Variants in SMG1 observed in about 807,000 individuals in gnomAD.
The protein encoded by SMG1 is serine/threonine-protein kinase SMG1.
SMG1 carries 22 observed loss-of-function variants against 419.9 expected under a neutral mutation model. The observed-to-expected ratio is 0.05, with a 90% CI of 0.04 to 0.07. SMG1 has a LOEUF of 0.07. SMG1 is among the 10% of genes least tolerant of loss of function. The pLI, the probability that SMG1 is intolerant of heterozygous loss-of-function variation, is 1.00. For missense variants in SMG1, 3,185 were observed against 4,342.0 expected (o/e 0.73, Z 7.49); for synonymous variants, 1,538 against 1,553.5 (o/e 0.99, Z 0.23).
chr16:18,902,150 C>G (rs2141889952), intron 1 of SMG1, among the ~76,000 whole-genome samples: 1 of 152,218 alleles, frequency 6.6e-6, no homozygotes, highest in Non-Finnish European at 1.5e-5. Context: ...ACATAAAAAA[C>G]AGAGTGAGCT....
chr16:18,849,012 GTGAGCTGAGATGGTGCCAC>G (rs1216037206), intron 36 of SMG1, among the ~76,000 whole-genome samples, 186 bp downstream of exon 36: 2 of 139,846 alleles, frequency 1.4e-5, no homozygotes, highest in Non-Finnish European at 3.0e-5. Flanking sequence ...AGAGACTGCA[GTGAGCTGAGATGGTGCCAC>G]TGCACTCCAG....
chr16:18,882,299 C>A lies in SMG1; in HGVS notation c.1159G>T (p.Asp387Tyr). Reference sequence around the variant, plus strand: ...AATGACACTGATGGAGGAGGGACATCTTCATCCACTGATTCCCCAGAGGCC... The same window carrying A: ...AATGACACTGATGGAGGAGGGACATATTCATCCACTGATTCCCCAGAGGCC... Reference protein sequence around the residue: ...HVASGESVDEDVPPPSVSLPK... With the variant: ...HVASGESVDEYVPPPSVSLPK... Residue 387 changes from aspartate to tyrosine, a missense_variant, in exon 10 of 63, where the codon GAT (aspartate) becomes TAT (tyrosine). Physicochemically the swap from Asp to Tyr is radical, Grantham distance 160 (BLOSUM62 -3). Around this residue, in one of 27 missense-constraint regions of SMG1, gnomAD observed 52 missense variants for 69.0 expected, o/e 0.75. Transcript: ENST00000446231. 1 of 1,609,540 alleles carries A rather than the reference C, an allele frequency of 6.2e-7. No individual in the cohort carries two copies. The highest frequency in any genetic ancestry group is 8.5e-7 in the Non-Finnish European group (1 of 1,178,752).
intron 62 of SMG1, 120 bp from the exon 63 acceptor site, chr16:18,809,766 G>T: frequency 3.0e-6 from 2 of 657,438 alleles, no homozygotes; most frequent in Non-Finnish European, 5.4e-6. Flanking sequence ...TACTTACCCT[G>T]CTCCTGTAAG....
intron 3 of SMG1, among the ~76,000 whole-genome samples, chr16:18,894,655 A>G (rs1366395102): frequency 6.6e-6 from 1 of 150,590 alleles, no homozygotes; most frequent in African/African-American, 2.5e-5. Context: ...TTTCACCAAG[A>G]TACACAAAGC....
intron 6 of SMG1, 102 bp downstream of exon 6, chr16:18,889,270 C>A (rs2036778130): frequency 2.1e-6 from 1 of 486,002 alleles, no homozygotes; most frequent in Admixed American, 3.3e-5. Context: ...GTAGATAACC[C>A]CTATTCTATG....
In SMG1 at chr16:18,831,695, G is replaced by A. The variant is rs1177178592; in HGVS notation, c.8792+1245C>T. Among the ~76,000 whole-genome samples, 4 of 146,600 alleles carry A rather than the reference G, an allele frequency of 2.7e-5. No individual in the cohort carries two copies. The Admixed American group carries it at 2.8e-4, about 10-fold the overall frequency. On this transcript the variant is annotated intron_variant, in intron 51 of 62. Transcript: ENST00000446231. The stretch of plus-strand genomic sequence containing the variant: ...CTCTTGAACCCGGGAGATGGAGGCT[G>A]CAGCGAGCCGAGATCGCACCATTGC...
At chr16:18,876,669 T>TTG (rs34960587) in intron 12 of SMG1, among the ~76,000 whole-genome samples, 48,936 of 150,578 alleles carry the variant, frequency 0.32, 9,872 homozygotes, top group East Asian at 0.59. Context: ...TGGCCGTTTT[T>TTG]TTTTTTTTTT....
chr16:18,829,201 TTC>T (rs1473674982), intron 54 of SMG1, 83 bp downstream of exon 54: 2 of 1,205,638 alleles, frequency 1.7e-6, no homozygotes, highest in Non-Finnish European at 2.3e-6. Flanking sequence ...TTAAAAAAAT[TTC>T]TGTGTATTGT....
At chr16:18,842,787 G>A (rs776495827) in intron 39 of SMG1, among the ~76,000 whole-genome samples, 3 of 152,110 alleles carry the variant, frequency 2.0e-5, no homozygotes, top group Non-Finnish European at 4.4e-5. Context: ...CCGAGATTAC[G>A]CCACTACATG....
rs1567396700 is a variant in SMG1, at chr16:18,868,589, T to G, written c.2964A>C (p.Glu988Asp). 2 of 1,595,808 alleles carry G rather than the reference T, an allele frequency of 1.3e-6. No homozygotes were observed. Among genetic ancestry groups the G allele is most frequent in the East Asian group, 2.2e-5 (1 of 44,880 alleles). ...LRLVLLLQYL[E>D]NLEKLMYNAY... ...CATTATACATTAATTTCTCCAGATT[T>G]TCCAGATACTGCAGAAGAAGAACAA... Residue 988 changes from glutamate (E) to aspartate (D), a missense_variant, in exon 21 of 63, where the codon GAA becomes GAC. Coordinates refer to ENST00000446231, the MANE Select transcript of SMG1 (RefSeq NM_015092.5).
intron 55 of SMG1, 42 bp from the exon 56 acceptor site, chr16:18,819,696 C>A: frequency 6.8e-7 from 1 of 1,468,318 alleles, no homozygotes; most frequent in Non-Finnish European, 9.0e-7. Flanking sequence ...ATATGACATT[C>A]TCTACTTCCT....
rs371718017 is a variant in SMG1, at chr16:18,811,901, C to A, written c.10802-34G>T. 2.5e-6 allele frequency: 4 copies of A among 1,612,736 alleles called. No individual in the cohort carries two copies. In the South Asian group the frequency reaches 3.3e-5, roughly 13 times the overall value. On this transcript the variant is annotated intron_variant, in intron 61 of 62. Transcript: ENST00000446231. ...CAACAAAAACATACGTAAGTCAAAC[C>A]GTCATTTTATATAAAAATTTAAGGC...
intron 11 of SMG1, chr16:18,877,857 T>C (rs965740519): frequency 3.3e-5 from 5 of 152,196 alleles, no homozygotes; most frequent in Admixed American, 6.5e-5. Flanking sequence ...GGGCATTTTT[T>C]CACATTAGTA....
At chr16:18,851,400 C>T (rs1596521388) in intron 33 of SMG1, among the ~76,000 whole-genome samples, 1 of 150,264 alleles carries the variant, frequency 6.7e-6, no homozygotes, top group Admixed American at 6.6e-5. Context: ...AATACACACA[C>T]ACACACACGC....
rs1344084600 is a variant in SMG1, at chr16:18,866,693, G to A, written c.3278C>T (p.Ala1093Val). The change falls in exon 23 of 63, where the codon GCT becomes GTT. Residue 1093 changes from alanine (A) to valine (V), a missense_variant. By Grantham distance (64) the Ala-to-Val change is moderately conservative (BLOSUM62 0). This residue lies in a region of SMG1 where 121 missense variants were observed against 125.4 expected (regional missense o/e 0.96). Coordinates refer to ENST00000446231, the MANE Select transcript of SMG1 (RefSeq NM_015092.5). Reference protein sequence around the residue: ...LHCPEAIQGIAVWSSSIVGKN... With the variant: ...LHCPEAIQGIVVWSSSIVGKN... ...TCCAACAATAGATGATGACCAGACA[G>A]CAATTCCCTGTATAGCTTCAGGACA... The A allele has an allele frequency of 6.3e-7, 1 of 1,593,928 alleles. No homozygotes were observed. The highest frequency in any genetic ancestry group is 2.2e-5 in the East Asian group (1 of 44,842).
Position 18,904,603 on chromosome 16 carries a change from A to G in SMG1, c.93-7647T>C, listed in dbSNP as rs147550228. On this transcript the variant is annotated intron_variant, in intron 1 of 62. Transcript: ENST00000446231. Reference sequence around the variant, plus strand: ...CAGTAAGCCGAGATCATGCCACTACACTCCAGTCTGGTGACAGAGCAAGAC... The same window carrying G: ...CAGTAAGCCGAGATCATGCCACTACGCTCCAGTCTGGTGACAGAGCAAGAC... Among the ~76,000 whole-genome samples the G allele has an allele frequency of 8.2e-3, 1,232 of 150,966 alleles. 16 individuals are homozygous for G. Among genetic ancestry groups the G allele is most frequent in the African/African-American group, 0.028 (1,163 of 41,058 alleles).
rs8054509 is a variant in SMG1, at chr16:18,838,782, T to C, written c.6946-93A>G. The C allele has an allele frequency of 5.0e-6, 4 of 796,738 alleles. No individual in the cohort carries two copies. The Admixed American group carries it at 9.8e-5, about 20-fold the overall frequency. The allele number at this position is 796,738 out of a possible 1,614,324, so 49.4% of individuals were successfully genotyped here. A position where few individuals can be genotyped will look rare whatever the true frequency, so the allele number is the denominator to read the frequency against. Reference sequence around the variant, plus strand: ...ATACTATAAAATTTACAAAGCACCATTAACCTACTCCCTTATTTTAAAATA... The same window carrying C: ...ATACTATAAAATTTACAAAGCACCACTAACCTACTCCCTTATTTTAAAATA... On this transcript the variant is annotated intron_variant, in intron 42 of 62. Coordinates refer to ENST00000446231, the MANE Select transcript of SMG1 (RefSeq NM_015092.5).
In SMG1 at chr16:18,828,097, G is replaced by C. The variant is rs1437117817; in HGVS notation, c.9675C>G (p.Ile3225Met). ...MSVTPPPRSAILTSMKKKLHT... is the reference protein window; with the variant it reads ...MSVTPPPRSAMLTSMKKKLHT... ...GCAGCTTCTTTTTCATGCTGGTTAGGATAGCAGACCGTGGGGGAGGTGTGA... is the reference window on the plus strand; with the variant it reads ...GCAGCTTCTTTTTCATGCTGGTTAGCATAGCAGACCGTGGGGGAGGTGTGA... The change falls in exon 55 of 63, where the codon ATC becomes ATG. Residue 3225 changes from isoleucine to methionine, a missense_variant. Coordinates refer to ENST00000446231, the MANE Select transcript of SMG1 (RefSeq NM_015092.5). 6.2e-7 allele frequency: 1 copy of C among 1,613,534 alleles called. No individual in the cohort carries two copies. Among genetic ancestry groups the C allele is most frequent in the Non-Finnish European group, 8.5e-7 (1 of 1,179,710 alleles).
intron 1 of SMG1, among the ~76,000 whole-genome samples, chr16:18,923,584 G>C (rs184837506): frequency 6.6e-6 from 1 of 151,420 alleles, no homozygotes; most frequent in African/African-American, 2.4e-5. Context: ...GCAGTGAGTC[G>C]AGATGACACC....
Sources: gnomAD v4.1 joint callset for allele counts (sites outside exome capture counted in the v4.1 genomes callset) on GRCh38, gnomAD v4.1.1 for gene constraint, gnomAD v4.1.1 regional missense constraint, MANE v1.5 for transcripts, NCBI Gene and HGNC (gene_info 2026-07-23, HGNC 2026-07-21) for gene names.